Variants in SND1 observed in about 807,000 individuals in gnomAD.
SND1 encodes staphylococcal nuclease domain-containing protein 1.
In SND1, 38 loss-of-function variants were observed where a neutral mutation model predicts 121.7. That is an observed-to-expected ratio of 0.31 (90% CI 0.24 to 0.41). SND1 has a LOEUF of 0.41. Ranked by LOEUF, SND1 falls within the 10% of genes least tolerant of loss-of-function variation. The pLI is 1.00. For missense variants in SND1, 868 were observed against 1,184.6 expected (o/e 0.73, Z 3.92); for synonymous variants, 401 against 447.4 (o/e 0.90, Z 1.31).
chr7:128,020,081 AG>A (rs764381096), intron 16 of SND1, among the ~76,000 whole-genome samples: 23 of 152,320 alleles, frequency 1.5e-4, no homozygotes, highest in Non-Finnish European at 2.2e-4. Context: ...TGTAGAGAGA[AG>A]GGGAAGGCCA....
intron 2 of SND1, among the ~76,000 whole-genome samples, chr7:127,690,644 A>G (rs917318372): frequency 6.6e-6 from 1 of 152,250 alleles, no homozygotes. Flanking sequence ...CTTTGTGCCT[A>G]GTCAGTACCT....
At chr7:128,091,682 T>C (rs949365165) in intron 22 of SND1, among the ~76,000 whole-genome samples, 155 bp from the exon 23 acceptor site, 2 of 152,150 alleles carry the variant, frequency 1.3e-5, no homozygotes, top group Admixed American at 6.5e-5. Flanking sequence ...CTAATGTGAT[T>C]GTGTTTTCCG....
chr7:127,835,617 G>T (rs777016176), intron 11 of SND1, among the ~76,000 whole-genome samples: 1 of 152,036 alleles, frequency 6.6e-6, no homozygotes, highest in African/African-American at 2.4e-5. Context: ...AGTAGGTATT[G>T]GTGTGAGTTA....
At chr7:127,788,317 T>C (rs2116534592) in intron 10 of SND1, among the ~76,000 whole-genome samples, 1 of 152,338 alleles carries the variant, frequency 6.6e-6, no homozygotes, top group Non-Finnish European at 1.5e-5. Context: ...TTTGAGTCCC[T>C]GTTGGAGACA....
intron 22 of SND1, 70 bp downstream of exon 22, chr7:128,089,762 G>C: frequency 7.3e-7 from 1 of 1,378,452 alleles, no homozygotes; most frequent in Non-Finnish European, 1.0e-6. Context: ...TGTTCCACAA[G>C]CCAGGAAGGG....
At chr7:127,667,060 G>A (rs556729412) in intron 1 of SND1, among the ~76,000 whole-genome samples, 12 of 152,186 alleles carry the variant, frequency 7.9e-5, no homozygotes, top group African/African-American at 2.9e-4. Flanking sequence ...TTTCAAATAG[G>A]AAAAATTTCC....
At chr7:128,046,484 C>T (rs1792950734) in intron 16 of SND1, among the ~76,000 whole-genome samples, 1 of 151,672 alleles carries the variant, frequency 6.6e-6, no homozygotes, top group Admixed American at 6.6e-5. Context: ...CTCCCTCAGC[C>T]TCCTAAGTAG....
At chr7:127,811,149 C>T (rs1022222311) in intron 11 of SND1, among the ~76,000 whole-genome samples, 1 of 152,148 alleles carries the variant, frequency 6.6e-6, no homozygotes, top group African/African-American at 2.4e-5. Context: ...GGCTTTCATG[C>T]CATTGAAATT....
At chr7:127,706,723 T>C (rs1796208441) in intron 8 of SND1, among the ~76,000 whole-genome samples, 1 of 152,200 alleles carries the variant, frequency 6.6e-6, no homozygotes, top group South Asian at 2.1e-4. Flanking sequence ...TGTGATTACT[T>C]GTCTGCTGTT....
At chr7:127,675,670 A>C (rs1482875049) in intron 1 of SND1, among the ~76,000 whole-genome samples, 1 of 152,162 alleles carries the variant, frequency 6.6e-6, no homozygotes, top group Admixed American at 6.5e-5. Flanking sequence ...ATAGAGGAGA[A>C]GGTCCCCTCT....
chr7:127,886,848 G>GC (rs1554439601), intron 12 of SND1, among the ~76,000 whole-genome samples: 9 of 12,396 alleles, frequency 7.3e-4, no homozygotes, highest in African/African-American at 2.4e-3. Flanking sequence ...TCTTATTCTG[G>GC]CAAAAAAAAA....
chr7:127,839,006 A>G (rs1004615334), intron 11 of SND1, among the ~76,000 whole-genome samples: 1 of 152,266 alleles, frequency 6.6e-6, no homozygotes, highest in Non-Finnish European at 1.5e-5. Context: ...GTTAAACATA[A>G]GCAGAGAAGT....
chr7:128,075,802 A>T (rs963571339), intron 17 of SND1, among the ~76,000 whole-genome samples: 3 of 152,184 alleles, frequency 2.0e-5, no homozygotes, highest in African/African-American at 7.2e-5. Context: ...GCTCACATCA[A>T]GCCTCCTCCT....
intron 10 of SND1, among the ~76,000 whole-genome samples, chr7:127,740,719 T>G (rs1420603926): frequency 6.6e-6 from 1 of 152,142 alleles, no homozygotes; most frequent in African/African-American, 2.4e-5. Context: ...CCCTCCACCT[T>G]CCAAAGCTCC....
chr7:127,692,227 T>G (rs1266922556), intron 2 of SND1, among the ~76,000 whole-genome samples: 1 of 152,234 alleles, frequency 6.6e-6, no homozygotes, highest in Non-Finnish European at 1.5e-5. Flanking sequence ...AATTAAAAGC[T>G]CAGTTTCATT....
chr7:128,081,354 A>C lies in SND1; in HGVS notation c.1969-6A>C. ...CTCTTCTCACCTCTGCCGACTGAAC[A>C]TGCAGGTCTGGGCCCACTATGAGGA... On this transcript the variant is annotated splice_polypyrimidine_tract_variant and splice_region_variant and intron_variant, in intron 17 of 23. Coordinates refer to ENST00000354725, the MANE Select transcript of SND1 (RefSeq NM_014390.4). The C allele has an allele frequency of 6.2e-7, 1 of 1,614,046 alleles. No individual in the cohort carries two copies. The highest frequency in any genetic ancestry group is 2.2e-5 in the East Asian group (1 of 44,882).
intron 13 of SND1, among the ~76,000 whole-genome samples, chr7:127,899,846 A>T (rs757869894): frequency 7.2e-5 from 11 of 152,176 alleles, no homozygotes; most frequent in Non-Finnish European, 1.5e-5. Flanking sequence ...AAGTGAGCAC[A>T]ATTATGAAAG....
chr7:127,873,692 T>C (rs1328853757), intron 12 of SND1, among the ~76,000 whole-genome samples: 3 of 152,134 alleles, frequency 2.0e-5, no homozygotes, highest in Admixed American at 2.0e-4. Context: ...TGGAGTGCAG[T>C]GGCCATTCTT....
chr7:128,027,748 C>T (rs1039948652), intron 16 of SND1: 5 of 152,354 alleles, frequency 3.3e-5, no homozygotes, highest in Middle Eastern at 6.8e-3. Context: ...GTGGACATGG[C>T]ACAATGCTAA....
Sources: gnomAD v4.1 joint callset for allele counts (sites outside exome capture counted in the v4.1 genomes callset) on GRCh38, gnomAD v4.1.1 for gene constraint, MANE v1.5 for transcripts, NCBI Gene and HGNC (gene_info 2026-07-23, HGNC 2026-07-21) for gene names.